ZSCAN5A: variants seen among roughly 807,000 people sequenced by gnomAD.
ZSCAN5A encodes zinc finger and SCAN domain-containing protein 5A.
A neutral mutation model predicts 23.7 loss-of-function variants in ZSCAN5A; 12 were observed. The ratio of observed to expected loss-of-function variants is 0.51; its 90% confidence interval spans 0.32 to 0.82. The LOEUF (loss-of-function observed/expected upper bound fraction) is 0.82. Ranked by LOEUF, ZSCAN5A falls within the 40% of genes least tolerant of loss-of-function variation. ZSCAN5A has a pLI of 0.03. For missense variants in ZSCAN5A, 597 were observed against 617.9 expected (o/e 0.97, Z 0.36); for synonymous variants, 257 against 239.9 (o/e 1.07, Z -0.66).
chr19:56,299,473 G>C (rs555956352), intron 2 of ZSCAN5A, among the ~76,000 whole-genome samples: 1 of 152,090 alleles, frequency 6.6e-6, no homozygotes, highest in Non-Finnish European at 1.5e-5. Flanking sequence ...AGCTAGCTAG[G>C]AGTAGAGAGA....
intron 2 of ZSCAN5A, among the ~76,000 whole-genome samples, chr19:56,301,335 T>C (rs1443712620): frequency 6.6e-6 from 1 of 152,046 alleles, no homozygotes; most frequent in African/African-American, 2.4e-5. Context: ...GTGCCTCCCC[T>C]TTTTAGGCCA....
At chr19:56,231,983 CTTTT>C (rs1172197032) in intron 2 of ZSCAN5A, among the ~76,000 whole-genome samples, 1 of 77,028 alleles carries the variant, frequency 1.3e-5, no homozygotes, top group Non-Finnish European at 2.6e-5. Context: ...TTTTTTCTTT[CTTTT>C]TTTCTTTTCT....
At chr19:56,319,682 T>A (rs1278806240), upstream of ZSCAN5A, 3 of 582,980 alleles carry the variant, frequency 5.1e-6, no homozygotes, top group East Asian at 8.4e-5. Context: ...TGCTTTTCTT[T>A]GTCCTTAAAG....
chr19:56,302,456 G>A (rs544775722), intron 2 of ZSCAN5A, among the ~76,000 whole-genome samples: 28 of 112,636 alleles, frequency 2.5e-4, no homozygotes, highest in East Asian at 8.8e-4. Context: ...TCCTCTCTCC[G>A]TCTGCTTCCT....
intron 2 of ZSCAN5A, among the ~76,000 whole-genome samples, chr19:56,335,774 G>A (rs555015769): frequency 1.7e-4 from 26 of 152,324 alleles, no homozygotes; most frequent in African/African-American, 5.3e-4. Flanking sequence ...TTTTAGGGCA[G>A]GCCTGGTGGT....
intron 2 of ZSCAN5A, among the ~76,000 whole-genome samples, chr19:56,230,351 C>T (rs977620647): frequency 9.9e-5 from 15 of 152,020 alleles, no homozygotes; most frequent in Non-Finnish European, 1.6e-4. Flanking sequence ...CCCAAAGTGC[C>T]GGGATTACAG....
intron 2 of ZSCAN5A, among the ~76,000 whole-genome samples, chr19:56,354,299 T>TTTTTTTTTTTTTTTTTTTTTTTTTTTTTG (rs1358000805): frequency 6.6e-6 from 1 of 152,106 alleles, no homozygotes; most frequent in South Asian, 2.1e-4. Flanking sequence ...GTTTGTATTT[T>TTTTTTTTTTTTTTTTTTTTTTTTTTTTTG]ACCACAATTT....
At chr19:56,245,714 A>G (rs374305511) in intron 2 of ZSCAN5A, among the ~76,000 whole-genome samples, 5 of 152,342 alleles carry the variant, frequency 3.3e-5, no homozygotes, top group East Asian at 1.9e-4. Flanking sequence ...TCCCTTCCCC[A>G]TTCAGTTTCC....
At chr19:56,329,689 C>T (rs2041471793) in intron 2 of ZSCAN5A, among the ~76,000 whole-genome samples, 1 of 151,808 alleles carries the variant, frequency 6.6e-6, no homozygotes, top group South Asian at 2.1e-4. Context: ...ATTTAAAAAA[C>T]ATAAAAAAAA....
intron 2 of ZSCAN5A, chr19:56,321,940 C>G (rs1381096569): frequency 1.9e-5 from 15 of 780,988 alleles, no homozygotes; most frequent in Non-Finnish European, 3.3e-5. Flanking sequence ...TCATCATGGC[C>G]TTCTGAAGAT....
rs1461687779 is a variant in ZSCAN5A at position 56,222,097 on chromosome 19, T to C, written c.969A>G (p.Glu323=). ...QGEATPVGNR[E]SPGQAGMNSI... ...AATTCATCCCAGCTTGTCCCGGGGATTCTCTGTTGCCCACAGGTGTGGCTT... is the reference window on the plus strand; with the variant it reads ...AATTCATCCCAGCTTGTCCCGGGGACTCTCTGTTGCCCACAGGTGTGGCTT... Residue 323 remains glutamate (E), a synonymous_variant, in exon 6 of 6, where the codon GAA becomes GAG. Transcript: ENST00000683990. 19 of 1,614,152 alleles carry C rather than the reference T, an allele frequency of 1.2e-5. No homozygotes were observed. Among genetic ancestry groups the C allele is most frequent in the Non-Finnish European group, 1.6e-5 (19 of 1,180,036 alleles).
chr19:56,341,702 C>CA (rs1175628460), intron 2 of ZSCAN5A, among the ~76,000 whole-genome samples: 8,596 of 53,060 alleles, frequency 0.16, 414 homozygotes, highest in African/African-American at 0.18. Context: ...TACCAAAAGG[C>CA]AAAAAAAAAA....
At chr19:56,347,754 C>G (rs556923475) in intron 2 of ZSCAN5A, 1 of 152,388 alleles carries the variant, frequency 6.6e-6, no homozygotes, top group East Asian at 1.9e-4. Flanking sequence ...AAGGAAACTA[C>G]AAAACCAAGG....
chr19:56,236,451 A>T (rs368176316), intron 2 of ZSCAN5A, among the ~76,000 whole-genome samples: 2 of 32,884 alleles, frequency 6.1e-5, no homozygotes, highest in African/African-American at 1.0e-4. Flanking sequence ...CTCCACTCCA[A>T]CCTCTGATGG....
At chr19:56,318,416 C>G (rs2041340033), upstream of ZSCAN5A, among the ~76,000 whole-genome samples, 1 of 152,080 alleles carries the variant, frequency 6.6e-6, no homozygotes, top group Non-Finnish European at 1.5e-5. Flanking sequence ...GACAACCCAG[C>G]CTTGAACATA....
intron 2 of ZSCAN5A, among the ~76,000 whole-genome samples, chr19:56,359,061 G>T (rs893204602): frequency 3.3e-5 from 5 of 150,980 alleles, no homozygotes; most frequent in African/African-American, 9.8e-5. Context: ...AGAAGACAAG[G>T]AATAACCAAG....
chr19:56,242,023 C>T (rs1276044056), intron 2 of ZSCAN5A, among the ~76,000 whole-genome samples: 1 of 152,146 alleles, frequency 6.6e-6, no homozygotes, highest in African/African-American at 2.4e-5. Flanking sequence ...TTGGAGTCCA[C>T]GTCCTGATTT....
intron 2 of ZSCAN5A, among the ~76,000 whole-genome samples, chr19:56,242,983 T>C (rs1318304684): frequency 6.6e-6 from 1 of 152,278 alleles, no homozygotes; most frequent in East Asian, 1.9e-4. Flanking sequence ...TTCACCATCT[T>C]GGTCAGGCTG....
intron 2 of ZSCAN5A, among the ~76,000 whole-genome samples, chr19:56,324,546 A>G (rs2041414942): frequency 6.6e-6 from 1 of 151,872 alleles, no homozygotes; most frequent in African/African-American, 2.4e-5. Context: ...GGGAAAGTAA[A>G]TTAGTACAGC....
Sources: allele counts gnomAD v4.1 joint callset (sites outside exome capture counted in the v4.1 genomes callset), GRCh38; gene constraint gnomAD v4.1.1; transcripts MANE v1.5; gene names NCBI Gene and HGNC (gene_info 2026-07-23, HGNC 2026-07-21).